UBLCP1: variants seen among roughly 807,000 people sequenced by gnomAD.
UBLCP1 encodes ubiquitin-like domain-containing CTD phosphatase 1.
UBLCP1 carries 28 observed loss-of-function variants against 42.4 expected under a neutral mutation model. The ratio of observed to expected loss-of-function variants is 0.66; its 90% confidence interval spans 0.49 to 0.90. The LOEUF is 0.90. UBLCP1 is among the 40% of genes least tolerant of loss of function. The pLI, the probability that UBLCP1 is intolerant of heterozygous loss-of-function variation, is 0.00. For missense variants in UBLCP1, 279 were observed against 374.5 expected, an observed-to-expected ratio of 0.75 and a Z score of 2.10; for synonymous variants, 122 against 120.8, an observed-to-expected ratio of 1.01 and a Z score of -0.07.
Position 159,269,030 on chromosome 5 carries a change from C to A in UBLCP1, c.115C>A (p.Leu39Ile), listed in dbSNP as rs1448101670. Residue 39 changes from leucine to isoleucine, a missense_variant, in exon 2 of 11, where the codon CTT becomes ATT. Coordinates refer to ENST00000296786, the MANE Select transcript of UBLCP1 (RefSeq NM_145049.5). ...KQFLKTLTGV[L>I]PERQKLLGLK... is the part of the protein sequence containing the mutation. Reference sequence around the variant, plus strand: ...GTTTCTCAAGACCCTTACAGGAGTTCTTCCAGAACGCCAAAAGTTACTTGG... The same window carrying A: ...GTTTCTCAAGACCCTTACAGGAGTTATTCCAGAACGCCAAAAGTTACTTGG... 6.3e-7 allele frequency: 1 copy of A among 1,595,616 alleles called. No individual in the cohort carries two copies. Among genetic ancestry groups the A allele is most frequent in the African/African-American group, 1.4e-5 (1 of 73,926 alleles).
rs758486472 is a variant in UBLCP1, at chr5:159,284,924, G to T, written c.950G>T (p.Gly317Val). The change falls in exon 11 of 11, where the codon GGA becomes GTA. Residue 317 changes from glycine to valine, a missense_variant. Gly to Val is a moderately radical substitution (Grantham distance 109). Transcript: ENST00000296786. ...TGCAGATATCTCTCAAAGAAGCAAGGACAGTAGTTACAAGTTATACTGGCA... is the reference window on the plus strand; with the variant it reads ...TGCAGATATCTCTCAAAGAAGCAAGTACAGTAGTTACAAGTTATACTGGCA... The part of the protein sequence containing the change: ...YWERYLSKKQ[G>V]Q 3 of 1,612,970 alleles carry T rather than the reference G, an allele frequency of 1.9e-6. No homozygotes were observed. The East Asian group carries it at 6.7e-5, about 36-fold the overall frequency.
Position 159,285,175 on chromosome 5 carries a change from A to T in UBLCP1, c.*244A>T. On this transcript the variant is annotated 3_prime_UTR_variant, in exon 11 of 11. Coordinates refer to ENST00000296786, the MANE Select transcript of UBLCP1 (RefSeq NM_145049.5). ...AAAAATATTTTCTCCAGCGTTGGTT[A>T]CTGACCACCCCACCCTCCCACCACA... The T allele has an allele frequency of 2.6e-6, 1 of 382,896 alleles. No homozygotes were observed. Among genetic ancestry groups the T allele is most frequent in the Admixed American group, 4.0e-5 (1 of 25,040 alleles). The allele number at this position is 382,896 out of a possible 1,614,324, so 23.7% of individuals were successfully genotyped here.
chr5:159,274,519 T>C lies in UBLCP1; in HGVS notation c.548-66T>C, dbSNP rs1370521633. On this transcript the variant is annotated intron_variant, in intron 6 of 10. Transcript: ENST00000296786. ...TAGTTTTGCTTAGAAAACTTACTTA[T>C]ACAGATTTTTTTTAAAGAAATTCAA... 79 of 1,436,426 alleles carry C rather than the reference T, an allele frequency of 5.5e-5. No individual in the cohort carries two copies. The East Asian group carries it at 1.4e-3, about 25-fold the overall frequency. The allele number at this position is 1,436,426 out of a possible 1,614,324, so 89.0% of individuals were successfully genotyped here.
At position 159,276,425 on chromosome 5, in the gene UBLCP1, C is replaced by G. The variant is rs555898098; in HGVS notation, c.684+1179C>G. Among the ~76,000 whole-genome samples, 4 of 152,210 alleles carry G rather than the reference C, an allele frequency of 2.6e-5. No individual in the cohort carries two copies. The South Asian group carries it at 8.3e-4, about 32-fold the overall frequency. On this transcript the variant is annotated intron_variant, in intron 8 of 10. Transcript: ENST00000296786. ...TGATTTAAGGGCATGGGGACTTGTT[C>G]TATAAAGGAAATACTGCATGTATCG...
At chr5:159,275,297 G>A in intron 8 of UBLCP1, 51 bp downstream of exon 8, 2 of 1,421,690 alleles carry the variant, frequency 1.4e-6, no homozygotes, top group Non-Finnish European at 1.9e-6. Flanking sequence ...ATTTTCCAGT[G>A]TACTTTTTAT....
intron 1 of UBLCP1, among the ~76,000 whole-genome samples, chr5:159,264,427 TTAA>T (rs375486175): frequency 1.5e-3 from 233 of 152,386 alleles, no homozygotes; most frequent in Middle Eastern, 6.8e-3. Context: ...GTGAACGGTC[TTAA>T]TGATGAAATA....
chr5:159,268,394 T>C (rs987257377), intron 1 of UBLCP1, among the ~76,000 whole-genome samples: 3 of 152,206 alleles, frequency 2.0e-5, no homozygotes, highest in Non-Finnish European at 2.9e-5. Context: ...ATTTTACAGA[T>C]GAGGAAACCT....
chr5:159,270,788 G>A (rs1584738390), intron 5 of UBLCP1, 145 bp downstream of exon 5: 1 of 490,578 alleles, frequency 2.0e-6, no homozygotes, highest in East Asian at 3.6e-5. Context: ...ATTGCTCATT[G>A]TAAAAAATAC....
chr5:159,271,088 G>A (rs1274375016), intron 5 of UBLCP1, among the ~76,000 whole-genome samples: 3 of 151,638 alleles, frequency 2.0e-5, no homozygotes, highest in African/African-American at 7.3e-5. Context: ...TTTTTTATAA[G>A]GAATATTTTA....
intron 4 of UBLCP1, 21 bp downstream of exon 4, chr5:159,270,466 A>C (rs938369432): frequency 3.1e-6 from 5 of 1,610,260 alleles, no homozygotes; most frequent in Non-Finnish European, 3.4e-6. Context: ...TTCGCTTTAG[A>C]AGTAATCAGT....
intron 1 of UBLCP1, among the ~76,000 whole-genome samples, chr5:159,265,838 T>G (rs1177632005): frequency 6.6e-6 from 1 of 152,034 alleles, no homozygotes; most frequent in Non-Finnish European, 1.5e-5. Context: ...CACCACCACC[T>G]CTGGCTAATT....
Position 159,285,803 on chromosome 5 carries a change from G to T in UBLCP1, c.*872G>T, listed in dbSNP as rs772977576. 1 of 152,682 alleles carries T rather than the reference G, an allele frequency of 6.5e-6. No homozygotes were observed. The highest frequency in any genetic ancestry group is 1.5e-5 in the Non-Finnish European group (1 of 68,014). 9.5% of individuals were successfully genotyped at this position (152,682 alleles called of 1,614,324 possible). ...TTTTGTTCTGTTCCAGCTATATCTT[G>T]TCTAAGTGCTAACACTGTTTCAGTG... On this transcript the variant is annotated 3_prime_UTR_variant, in exon 11 of 11. Transcript: ENST00000296786.
At chr5:159,274,493 T>C in intron 6 of UBLCP1, 92 bp from the exon 7 acceptor site, 1 of 1,078,972 alleles carries the variant, frequency 9.3e-7, no homozygotes, top group Non-Finnish European at 1.4e-6. Context: ...ATTTAAACTT[T>C]TAGTTTTGCT....
In UBLCP1 at chr5:159,268,926, C is replaced by T. The variant is rs1170114647; in HGVS notation, c.11C>T (p.Pro4Leu). Residue 4 changes from proline to leucine, a missense_variant, in exon 2 of 11, where the codon CCT (proline) becomes CTT (leucine). Physicochemically the swap from Pro to Leu is moderately conservative, Grantham distance 98. Transcript: ENST00000296786. ...TCATATGTTTCAAGAATGGCTCTCC[C>T]TATCATTGTAAAATGGGGTGGACAG... MAL[P>L]IIVKWGGQEY... 6.2e-7 allele frequency: 1 copy of T among 1,608,358 alleles called. No homozygotes were observed. Among genetic ancestry groups the T allele is most frequent in the Non-Finnish European group, 8.5e-7 (1 of 1,178,360 alleles).
intron 1 of UBLCP1, among the ~76,000 whole-genome samples, chr5:159,265,761 C>T (rs1753382432): frequency 6.6e-6 from 1 of 152,132 alleles, no homozygotes; most frequent in Non-Finnish European, 1.5e-5. Context: ...TGCTTTTTAC[C>T]TTCTGCCATG....
intron 5 of UBLCP1, among the ~76,000 whole-genome samples, chr5:159,270,905 C>A (rs1475149952): frequency 7.7e-6 from 1 of 129,548 alleles, no homozygotes; most frequent in Non-Finnish European, 1.8e-5. Context: ...TCCTCTAAAT[C>A]TTTTATTTAA....
intron 6 of UBLCP1, among the ~76,000 whole-genome samples, chr5:159,273,910 A>T (rs1584739488): frequency 6.6e-6 from 1 of 152,066 alleles, no homozygotes; most frequent in Admixed American, 6.5e-5. Flanking sequence ...TAAACATTTT[A>T]CTTGGTTATA....
At chr5:159,273,048 TTA>T (rs1428798732) in intron 6 of UBLCP1, among the ~76,000 whole-genome samples, 32 of 152,180 alleles carry the variant, frequency 2.1e-4, no homozygotes, top group African/African-American at 7.7e-4. Context: ...TTGAGAGAAA[TTA>T]TGTTAGTTGT....
At chr5:159,267,995 A>C (rs569147696) in intron 1 of UBLCP1, among the ~76,000 whole-genome samples, 5 of 151,526 alleles carry the variant, frequency 3.3e-5, no homozygotes, top group South Asian at 4.1e-4. Context: ...GTTCAACTGA[A>C]GAGATACAAT....
Sources: allele counts gnomAD v4.1 joint callset (sites outside exome capture counted in the v4.1 genomes callset), GRCh38; gene constraint gnomAD v4.1.1; transcripts MANE v1.5; gene names NCBI Gene and HGNC (gene_info 2026-07-23, HGNC 2026-07-21).